The following SGCZ variants were observed in gnomAD, a reference collection of about 807,000 sequenced individuals.
SGCZ encodes the protein zeta-sarcoglycan.
SGCZ carries 40 observed loss-of-function variants against 41.3 expected under a neutral mutation model. The observed-to-expected ratio is 0.97, with a 90% CI of 0.75 to 1.26. The LOEUF (loss-of-function observed/expected upper bound fraction) is 1.26. Among genes scored for constraint, SGCZ ranks in the 50% most tolerant of loss-of-function variants. SGCZ has a pLI of 0.00. For missense variants in SGCZ, 552 were observed against 369.8 expected, an observed-to-expected ratio of 1.49 and a Z score of -4.04; for synonymous variants, 206 against 137.5, an observed-to-expected ratio of 1.50 and a Z score of -3.49.
intron 2 of SGCZ, among the ~76,000 whole-genome samples, chr8:14,493,709 G>T (rs73527189): frequency 0.015 from 2,323 of 151,808 alleles, 59 homozygotes; most frequent in African/African-American, 0.054. Flanking sequence ...TCTTGTTTTG[G>T]TTTGCTCTTC....
intron 2 of SGCZ, among the ~76,000 whole-genome samples, chr8:14,524,852 T>C (rs2117108909): frequency 1.3e-5 from 2 of 152,188 alleles, no homozygotes; most frequent in South Asian, 4.1e-4. Context: ...AGCAAATAAC[T>C]GTAGCATGTC....
intron 1 of SGCZ, among the ~76,000 whole-genome samples, chr8:15,093,645 A>T (rs1445799829): frequency 6.6e-6 from 1 of 152,214 alleles, no homozygotes; most frequent in Non-Finnish European, 1.5e-5. Flanking sequence ...TCATCAGGGA[A>T]TGGTAGAACA....
At chr8:14,786,255 T>G (rs1205133576) in intron 1 of SGCZ, among the ~76,000 whole-genome samples, 2 of 152,148 alleles carry the variant, frequency 1.3e-5, no homozygotes, top group African/African-American at 4.8e-5. Flanking sequence ...AACATTTCAT[T>G]AAACATTTTA....
At chr8:14,520,348 G>T (rs1201090292) in intron 2 of SGCZ, among the ~76,000 whole-genome samples, 1 of 152,080 alleles carries the variant, frequency 6.6e-6, no homozygotes, top group Non-Finnish European at 1.5e-5. Flanking sequence ...ATTCACAATG[G>T]TTGTAGCTCA....
chr8:14,107,454 C>T (rs899506671), intron 6 of SGCZ, among the ~76,000 whole-genome samples: 1 of 152,010 alleles, frequency 6.6e-6, no homozygotes, highest in African/African-American at 2.4e-5. Flanking sequence ...ACTGAGGAAC[C>T]CCATCATAGT....
intron 5 of SGCZ, among the ~76,000 whole-genome samples, chr8:14,129,138 G>C (rs1165031974): frequency 1.3e-5 from 2 of 151,932 alleles, no homozygotes; most frequent in Non-Finnish European, 2.9e-5. Flanking sequence ...CCTGAGGTCA[G>C]GAGTTCAAGA....
intron 1 of SGCZ, among the ~76,000 whole-genome samples, chr8:15,006,581 G>A (rs1041208933): frequency 6.6e-6 from 1 of 152,114 alleles, no homozygotes; most frequent in East Asian, 1.9e-4. Context: ...AGTCTCTGCT[G>A]CTCAAAAGTC....
intron 7 of SGCZ, among the ~76,000 whole-genome samples, chr8:14,093,171 G>C (rs992068147): frequency 6.6e-6 from 1 of 152,044 alleles, no homozygotes. Context: ...GAGTAGGAGA[G>C]AATATTCTGC....
chr8:15,120,467 T>C (rs1585584361), intron 1 of SGCZ, among the ~76,000 whole-genome samples: 2 of 152,338 alleles, frequency 1.3e-5, no homozygotes, highest in South Asian at 2.1e-4. Context: ...GTTTAATACA[T>C]ACCATTATCA....
At chr8:15,174,863 T>G (rs1799950875) in intron 1 of SGCZ, among the ~76,000 whole-genome samples, 1 of 152,192 alleles carries the variant, frequency 6.6e-6, no homozygotes, top group African/African-American at 2.4e-5. Flanking sequence ...CTGGTAAGGT[T>G]GTGGAGTCAA....
intron 1 of SGCZ, among the ~76,000 whole-genome samples, chr8:15,234,187 A>AATTT (rs1467743741): frequency 6.6e-6 from 1 of 152,204 alleles, no homozygotes; most frequent in African/African-American, 2.4e-5. Context: ...AGTTGTTTAA[A>AATTT]AGAGAGCAAC....
rs1440412446 is a variant in SGCZ, at chr8:14,309,042, C to A, written c.336+15061G>T. On this transcript the variant is annotated intron_variant, in intron 3 of 7. Coordinates refer to ENST00000382080, the MANE Select transcript of SGCZ (RefSeq NM_139167.4). ...TACCAGAAAATGAAACCGGAAGCCT[C>A]CCCTACTCTTAATTCCCCAACTACA... The A allele has an allele frequency of 9.2e-6, 12 of 1,310,642 alleles. No individual in the cohort carries two copies. In the South Asian group the frequency reaches 1.2e-4, roughly 13 times the overall value. 81.2% of individuals were successfully genotyped at this position (1,310,642 alleles called of 1,614,324 possible).
At chr8:14,276,915 C>A (rs1021030585) in intron 3 of SGCZ, among the ~76,000 whole-genome samples, 4 of 152,118 alleles carry the variant, frequency 2.6e-5, no homozygotes, top group Non-Finnish European at 5.9e-5. Context: ...CACCAAGTAA[C>A]CAATGGAAAC....
chr8:14,970,421 C>T (rs1043582283), intron 1 of SGCZ, among the ~76,000 whole-genome samples: 1 of 151,906 alleles, frequency 6.6e-6, no homozygotes, highest in Non-Finnish European at 1.5e-5. Flanking sequence ...AGTTTTTTTC[C>T]TTATGTTTCC....
chr8:14,596,594 G>C (rs938351829), intron 1 of SGCZ, among the ~76,000 whole-genome samples: 2 of 151,988 alleles, frequency 1.3e-5, no homozygotes, highest in Non-Finnish European at 1.5e-5. Context: ...TTGGACTACA[G>C]TAATTGCAGC....
At chr8:14,261,527 A>T (rs1433153918) in intron 3 of SGCZ, among the ~76,000 whole-genome samples, 1 of 152,164 alleles carries the variant, frequency 6.6e-6, no homozygotes, top group Non-Finnish European at 1.5e-5. Flanking sequence ...TGAACATAAT[A>T]TTTTATCAGC....
At chr8:14,910,523 T>A (rs908426294) in intron 1 of SGCZ, among the ~76,000 whole-genome samples, 9 of 151,934 alleles carry the variant, frequency 5.9e-5, no homozygotes, top group African/African-American at 2.2e-4. Context: ...TTAAAAACAT[T>A]CCCAAAATTC....
intron 1 of SGCZ, among the ~76,000 whole-genome samples, chr8:15,163,316 C>G (rs1333550104): frequency 1.3e-5 from 2 of 152,178 alleles, no homozygotes; most frequent in Non-Finnish European, 2.9e-5. Context: ...CATTTCAGAG[C>G]TGAGGAAACT....
At chr8:14,503,052 C>T (rs1802201075) in intron 2 of SGCZ, among the ~76,000 whole-genome samples, 1 of 152,084 alleles carries the variant, frequency 6.6e-6, no homozygotes, top group Non-Finnish European at 1.5e-5. Flanking sequence ...ACCCAAATGC[C>T]CATCAATGAT....
Sources: allele counts gnomAD v4.1 joint callset (sites outside exome capture counted in the v4.1 genomes callset), GRCh38; gene constraint gnomAD v4.1.1; transcripts MANE v1.5; gene names NCBI Gene and HGNC (gene_info 2026-07-23, HGNC 2026-07-21).